The following ZSCAN5A variants were observed in gnomAD, a reference collection of about 807,000 sequenced individuals.
ZSCAN5A encodes zinc finger and SCAN domain containing 5A, also known as zinc finger and SCAN domain-containing protein 5A.
ZSCAN5A carries 12 observed loss-of-function variants against 23.7 expected under a neutral mutation model. The ratio of observed to expected loss-of-function variants is 0.51; its 90% CI spans 0.32 to 0.82. ZSCAN5A has a LOEUF of 0.82. ZSCAN5A is among the 40% of genes least tolerant of loss of function. The pLI is 0.03. For synonymous variants in ZSCAN5A, 257 were observed against 239.9 expected (o/e 1.07, Z -0.66); for missense variants, 597 against 617.9 (o/e 0.97, Z 0.36).
chr19:56,223,020 C>T (rs993749127), intron 4 of ZSCAN5A, among the ~76,000 whole-genome samples: 15 of 152,178 alleles, frequency 9.9e-5, no homozygotes, highest in Admixed American at 6.5e-4. Flanking sequence ...GCCGTGCCAA[C>T]GTCTCCCTGC....
chr19:56,285,020 G>A (rs183038518), intron 2 of ZSCAN5A: 60 of 985,318 alleles, frequency 6.1e-5, no homozygotes, highest in Non-Finnish European at 6.7e-5. Context: ...GACTGTCACC[G>A]GATGGTAAGT....
At chr19:56,326,976 C>G (rs954181261) in intron 2 of ZSCAN5A, among the ~76,000 whole-genome samples, 2 of 152,094 alleles carry the variant, frequency 1.3e-5, no homozygotes, top group African/African-American at 4.8e-5. Flanking sequence ...TGCTGACCCA[C>G]CTACAATGCC....
intron 2 of ZSCAN5A, among the ~76,000 whole-genome samples, chr19:56,233,380 G>A (rs552054631): frequency 3.9e-5 from 6 of 151,996 alleles, no homozygotes; most frequent in Non-Finnish European, 2.9e-5. Context: ...CCCGCCCTCC[G>A]CTCGTTATCG....
intron 2 of ZSCAN5A, among the ~76,000 whole-genome samples, chr19:56,288,053 G>C (rs551364123): frequency 6.6e-6 from 1 of 152,286 alleles, no homozygotes; most frequent in Admixed American, 6.5e-5. Flanking sequence ...GAGATGGAGT[G>C]AGTTGCTGAT....
At chr19:56,350,497 A>G (rs867561560) in intron 2 of ZSCAN5A, among the ~76,000 whole-genome samples, 12 of 152,268 alleles carry the variant, frequency 7.9e-5, no homozygotes, top group Admixed American at 5.2e-4. Flanking sequence ...TAGCCACCCA[A>G]TAATGTCTTT....
At chr19:56,299,558 C>T (rs558307465) in intron 2 of ZSCAN5A, among the ~76,000 whole-genome samples, 1 of 152,182 alleles carries the variant, frequency 6.6e-6, no homozygotes, top group East Asian at 1.9e-4. Context: ...CACAGTTGTC[C>T]CTCAGTATCC....
chr19:56,223,737 A>G lies in ZSCAN5A; in HGVS notation c.482T>C (p.Val161Ala), dbSNP rs746106028. 17 of 1,613,714 alleles carry G rather than the reference A, an allele frequency of 1.1e-5. No individual in the cohort carries two copies. In the Admixed American group the frequency reaches 2.8e-4, roughly 27 times the overall value. ...PSSVRDDLKD[V>A]SSQRASSVNQ... ...CACCGAGGAGGCCCGTTGGCTGGACACGTCTTTCAGATCATCTCTGACACT... is the reference window on the plus strand; with the variant it reads ...CACCGAGGAGGCCCGTTGGCTGGACGCGTCTTTCAGATCATCTCTGACACT... Residue 161 changes from valine (V) to alanine (A), a missense_variant, in exon 4 of 6, where the codon GTG becomes GCG. By Grantham distance (64) the Val-to-Ala change is moderately conservative. Coordinates refer to ENST00000683990, the MANE Select transcript of ZSCAN5A (RefSeq NM_001322064.3).
Position 56,247,045 on chromosome 19 carries a change from GAACT to G in ZSCAN5A, c.-127-21876_-127-21873del, listed in dbSNP as rs775504770. 9.6e-6 allele frequency: 8 copies of G among 834,662 alleles called. No homozygotes were observed. In the African/African-American group the frequency reaches 1.3e-4, roughly 14 times the overall value. 51.7% of individuals were successfully genotyped at this position (834,662 alleles called of 1,614,324 possible). On this transcript the variant is annotated intron_variant, in intron 2 of 5. Transcript: ENST00000683990. Reference sequence around the variant, plus strand: ...TCACCCCAATGGCCAAGAAGCCAAGGAACTGCTGCCCTTTGCATGTGGCGTGTGC... The same window carrying G: ...TCACCCCAATGGCCAAGAAGCCAAGGGCTGCCCTTTGCATGTGGCGTGTGC...
intron 2 of ZSCAN5A, chr19:56,320,096 A>G: frequency 1.3e-6 from 1 of 770,366 alleles, no homozygotes. Flanking sequence ...GTCTGAAGGC[A>G]GTAGGCTAAT....
rs1237540710 is a variant in ZSCAN5A at position 56,291,916 on chromosome 19, C to T, written c.-128+21367G>A. Among the ~76,000 whole-genome samples the T allele has an allele frequency of 5.3e-5, 8 of 152,272 alleles. No homozygotes were observed. In the South Asian group the frequency reaches 6.2e-4, roughly 12 times the overall value. Reference sequence around the variant, plus strand: ...CAAAGAGCTTTCTAGGTGCCAGGCGCGAGGCACCAGAGCAGCACTTTTCAA... The same window carrying T: ...CAAAGAGCTTTCTAGGTGCCAGGCGTGAGGCACCAGAGCAGCACTTTTCAA... On this transcript the variant is annotated intron_variant, in intron 2 of 5. Coordinates refer to ENST00000683990, the MANE Select transcript of ZSCAN5A (RefSeq NM_001322064.3).
At chr19:56,296,478 G>GT (rs1600218782) in intron 2 of ZSCAN5A, 1 of 152,284 alleles carries the variant, frequency 6.6e-6, no homozygotes, top group East Asian at 1.9e-4. Flanking sequence ...CTCTTTATCC[G>GT]TATCATCATC....
chr19:56,268,464 ATTTTTAAATTTAGTTACTTTTAATAC>A (rs1349061087), intron 2 of ZSCAN5A, among the ~76,000 whole-genome samples: 1 of 152,160 alleles, frequency 6.6e-6, no homozygotes, highest in Non-Finnish European at 1.5e-5. Context: ...TGCTGGTTTA[ATTTTTAAATTTAGTTACTTTTAATAC>A]TTTTTAAATT....
In ZSCAN5A at chr19:56,221,321, T is replaced by C. The variant is rs907534199; in HGVS notation, c.*254A>G. The stretch of plus-strand genomic sequence containing the variant: ...TCCGTTATACAATATTGAAAACTAA[T>C]AAGATGATCGTTTATTGGAAGAACA... On this transcript the variant is annotated 3_prime_UTR_variant, in exon 6 of 6. Transcript: ENST00000683990. 5.6e-5 allele frequency: 23 copies of C among 413,482 alleles called. No individual in the cohort carries two copies. The highest frequency in any genetic ancestry group is 8.9e-5 in the Non-Finnish European group (21 of 235,668). 25.6% of individuals were successfully genotyped at this position (413,482 alleles called of 1,614,324 possible).
intron 2 of ZSCAN5A, among the ~76,000 whole-genome samples, chr19:56,276,329 T>C (rs1464866446): frequency 6.6e-6 from 1 of 152,118 alleles, no homozygotes; most frequent in Non-Finnish European, 1.5e-5. Flanking sequence ...CTCCTTTGTC[T>C]GGGGAAGAGA....
At chr19:56,276,729 G>A (rs1467000665) in intron 2 of ZSCAN5A, among the ~76,000 whole-genome samples, 1 of 151,740 alleles carries the variant, frequency 6.6e-6, no homozygotes, top group East Asian at 1.9e-4. Context: ...TATAGACGGG[G>A]TTTCACCATG....
chr19:56,291,853 G>A (rs1280514929), intron 2 of ZSCAN5A, among the ~76,000 whole-genome samples: 1 of 152,142 alleles, frequency 6.6e-6, no homozygotes, highest in South Asian at 2.1e-4. Flanking sequence ...TTCATGTAAT[G>A]CCATGATGAG....
chr19:56,308,648 C>G (rs1337960746), intron 2 of ZSCAN5A, among the ~76,000 whole-genome samples: 1 of 151,012 alleles, frequency 6.6e-6, no homozygotes, highest in African/African-American at 2.4e-5. Flanking sequence ...CTGATTCCCC[C>G]CAAAACATCA....
At chr19:56,250,415 C>T (rs11668577) in intron 2 of ZSCAN5A, among the ~76,000 whole-genome samples, 42,496 of 152,078 alleles carry the variant, frequency 0.28, 6,303 homozygotes, top group Non-Finnish European at 0.34. Flanking sequence ...TTACTGTAAC[C>T]TCGTGGCCCT....
chr19:56,323,986 T>C (rs1285625457), intron 2 of ZSCAN5A, among the ~76,000 whole-genome samples: 1 of 152,196 alleles, frequency 6.6e-6, no homozygotes, highest in Non-Finnish European at 1.5e-5. Context: ...GTTGGAAACA[T>C]TTCAATTCCT....
Sources: gnomAD v4.1 joint callset for allele counts (sites outside exome capture counted in the v4.1 genomes callset) on GRCh38, gnomAD v4.1.1 for gene constraint, MANE v1.5 for transcripts, NCBI Gene and HGNC (gene_info 2026-07-23, HGNC 2026-07-21) for gene names.